CLIC5: variants seen among roughly 807,000 people sequenced by gnomAD.
The protein encoded by CLIC5 is CLIC family member 5, also known as chloride intracellular channel protein 5.
CLIC5 carries 20 observed loss-of-function variants against 24.7 expected under a neutral mutation model. The ratio of observed to expected loss-of-function variants is 0.81; its 90% CI spans 0.57 to 1.18. The LOEUF is 1.18. Among genes scored for constraint, CLIC5 ranks in the 50% most tolerant of loss-of-function variants. The pLI is 0.00. For synonymous variants in CLIC5, 159 were observed against 135.6 expected (o/e 1.17, Z -1.20); for missense variants, 341 against 326.1 (o/e 1.05, Z -0.35).
intron 1 of CLIC5, among the ~76,000 whole-genome samples, chr6:46,031,495 A>C (rs1767496663): frequency 6.6e-6 from 1 of 152,176 alleles, no homozygotes; most frequent in Non-Finnish European, 1.5e-5. Context: ...TCAATTGGTA[A>C]AATGTTCAAA....
At chr6:45,893,509 T>A (rs890452774), downstream of CLIC5, among the ~76,000 whole-genome samples, 1 of 152,190 alleles carries the variant, frequency 6.6e-6, no homozygotes, top group Admixed American at 6.5e-5. Flanking sequence ...TCAGGTTCTC[T>A]TGCTTCACTT....
intron 1 of CLIC5, among the ~76,000 whole-genome samples, chr6:45,978,349 A>G (rs1765454899): frequency 6.6e-6 from 1 of 152,216 alleles, no homozygotes; most frequent in South Asian, 2.1e-4. Flanking sequence ...GGGATGGCTA[A>G]CAATGAGTGA....
rs534615946 is a variant in CLIC5, at chr6:45,979,302, T to C, written c.64-24058A>G. On this transcript the variant is annotated intron_variant, in intron 1 of 5. Coordinates refer to ENST00000339561, the MANE Select transcript of CLIC5 (RefSeq NM_016929.5). ...GGGGCATTTCCTCCCCTTTCTCCAGTCCAAAGTAACTCCTTGAATAGACAA... is the reference window on the plus strand; with the variant it reads ...GGGGCATTTCCTCCCCTTTCTCCAGCCCAAAGTAACTCCTTGAATAGACAA... Among the ~76,000 whole-genome samples the C allele has an allele frequency of 1.2e-4, 18 of 152,312 alleles. No individual in the cohort carries two copies. In the South Asian group the frequency reaches 3.7e-3, roughly 32 times the overall value.
intron 6 of CLIC5, among the ~76,000 whole-genome samples, chr6:45,887,513 A>G (rs1762315325): frequency 6.6e-6 from 1 of 152,230 alleles, no homozygotes; most frequent in South Asian, 2.1e-4. Flanking sequence ...ACCTAATGAC[A>G]TCTGCAAAAA....
intron 4 of CLIC5, among the ~76,000 whole-genome samples, chr6:45,931,367 G>A (rs1054655406): frequency 2.0e-5 from 3 of 152,164 alleles, no homozygotes; most frequent in African/African-American, 7.2e-5. Flanking sequence ...CGCTATCCCA[G>A]GGCAATTTAG....
rs982323235 is a variant in CLIC5, at chr6:45,976,127, A to G, written c.64-20883T>C. Among the ~76,000 whole-genome samples the G allele has an allele frequency of 3.9e-5, 6 of 152,218 alleles. No homozygotes were observed. The South Asian group carries it at 1.2e-3, about 32-fold the overall frequency. On this transcript the variant is annotated intron_variant, in intron 1 of 5. Coordinates refer to ENST00000339561, the MANE Select transcript of CLIC5 (RefSeq NM_016929.5). ...CCATGTGCATAGAAGGGCTCTGATC[A>G]GTGGAAGTGATTATAGCTTCCAGTC... is the stretch of plus-strand genomic sequence containing the variant.
At chr6:46,115,205 ACAC>A in the CLIC5 span, among the ~76,000 whole-genome samples, 2 of 152,154 alleles carry the variant, frequency 1.3e-5, no homozygotes, top group African/African-American at 4.8e-5. Flanking sequence ...GTCAGCAATG[ACAC>A]CACTATCATC....
chr6:45,935,166 C>A (rs1300040122), intron 4 of CLIC5, among the ~76,000 whole-genome samples: 2 of 152,172 alleles, frequency 1.3e-5, no homozygotes, highest in Non-Finnish European at 2.9e-5. Context: ...GACAGATATT[C>A]AGAGGGAGAA....
chr6:46,031,534 C>G (rs1186923672), intron 1 of CLIC5, among the ~76,000 whole-genome samples: 1 of 151,980 alleles, frequency 6.6e-6, no homozygotes, highest in Admixed American at 6.6e-5. Flanking sequence ...GTGGGTAAGT[C>G]TGCAATGTGG....
chr6:46,121,633 T>A, the CLIC5 span, among the ~76,000 whole-genome samples: 3 of 152,188 alleles, frequency 2.0e-5, no homozygotes, highest in Non-Finnish European at 2.9e-5. Context: ...AGACACAGAC[T>A]GGCAAATTGG....
chr6:46,030,423 T>G (rs1767464777), intron 1 of CLIC5, among the ~76,000 whole-genome samples: 1 of 152,202 alleles, frequency 6.6e-6, no homozygotes, highest in Non-Finnish European at 1.5e-5. Flanking sequence ...CTAACTGCTC[T>G]TTTGCTTTCT....
At chr6:45,930,488 C>T (rs1306949393) in intron 4 of CLIC5, among the ~76,000 whole-genome samples, 1 of 152,162 alleles carries the variant, frequency 6.6e-6, no homozygotes, top group Non-Finnish European at 1.5e-5. Context: ...GAAGACCTAG[C>T]CTTGTTTGAA....
intron 4 of CLIC5, among the ~76,000 whole-genome samples, chr6:45,940,120 C>T (rs1248979641): frequency 3.9e-5 from 6 of 152,184 alleles, no homozygotes; most frequent in Non-Finnish European, 8.8e-5. Flanking sequence ...TTCTCAACTT[C>T]CCCGCATCTT....
upstream of CLIC5, among the ~76,000 whole-genome samples, chr6:46,082,004 A>T (rs1355987689): frequency 3.9e-5 from 6 of 152,330 alleles, no homozygotes; most frequent in East Asian, 1.2e-3. Context: ...TTGTATATAC[A>T]TATGCATTTT....
At chr6:46,049,593 A>T (rs1768047767) in intron 1 of CLIC5, among the ~76,000 whole-genome samples, 1 of 152,184 alleles carries the variant, frequency 6.6e-6, no homozygotes, top group Admixed American at 6.5e-5. Flanking sequence ...ATGAGTCCCC[A>T]TTTCAATATA....
the CLIC5 span, among the ~76,000 whole-genome samples, chr6:46,086,366 T>C: frequency 6.6e-6 from 1 of 152,236 alleles, no homozygotes; most frequent in Non-Finnish European, 1.5e-5. Flanking sequence ...AGACCGGAGC[T>C]GTTGCTATTC....
intron 1 of CLIC5, among the ~76,000 whole-genome samples, chr6:45,993,413 C>T (rs1766012759): frequency 6.6e-6 from 1 of 152,162 alleles, no homozygotes; most frequent in Admixed American, 6.5e-5. Flanking sequence ...CTCATTTGCA[C>T]CTCGAAATGC....
chr6:46,028,434 T>G (rs1767403480), intron 1 of CLIC5, among the ~76,000 whole-genome samples: 1 of 152,202 alleles, frequency 6.6e-6, no homozygotes, highest in Non-Finnish European at 1.5e-5. Context: ...GTCTGAACAA[T>G]GAACAGTACT....
intron 4 of CLIC5, among the ~76,000 whole-genome samples, chr6:45,937,145 T>C (rs377141900): frequency 1.3e-5 from 2 of 152,212 alleles, no homozygotes; most frequent in East Asian, 3.9e-4. Flanking sequence ...AGGAGGACCA[T>C]GCACCAACAA....
Sources: gnomAD v4.1 joint callset for allele counts (sites outside exome capture counted in the v4.1 genomes callset) on GRCh38, gnomAD v4.1.1 for gene constraint, MANE v1.5 for transcripts, NCBI Gene and HGNC (gene_info 2026-07-23, HGNC 2026-07-21) for gene names.